The following CDH2 variants were observed in gnomAD, a reference collection of about 807,000 sequenced individuals.
The protein encoded by CDH2 is cadherin 2.
CDH2 carries 17 observed loss-of-function variants against 92.0 expected under a neutral mutation model. The ratio of observed to expected loss-of-function variants is 0.18; its 90% confidence interval spans 0.13 to 0.28. CDH2 has a LOEUF of 0.28. CDH2 is among the 10% of genes least tolerant of loss of function. The pLI is 1.00. For missense variants in CDH2, 862 were observed against 1,133.1 expected (o/e 0.76, Z 3.44); for synonymous variants, 419 against 415.9 (o/e 1.01, Z -0.09).
chr18:28,169,388 T>C (rs2016431625), intron 1 of CDH2, among the ~76,000 whole-genome samples: 1 of 152,186 alleles, frequency 6.6e-6, no homozygotes, highest in African/African-American at 2.4e-5. Flanking sequence ...AAACTCAAAG[T>C]GTATTTTAGT....
chr18:28,084,085 A>G (rs756216676), intron 2 of CDH2, among the ~76,000 whole-genome samples: 1 of 152,184 alleles, frequency 6.6e-6, no homozygotes, highest in Non-Finnish European at 1.5e-5. Flanking sequence ...CAAATGAACA[A>G]ACAACAACAA....
At chr18:28,092,402 CAAAT>C (rs1274543506) in intron 2 of CDH2, among the ~76,000 whole-genome samples, 1 of 151,888 alleles carries the variant, frequency 6.6e-6, no homozygotes, top group Non-Finnish European at 1.5e-5. Context: ...TGAAATGAAA[CAAAT>C]AAGTCAGAGG....
intron 2 of CDH2, among the ~76,000 whole-genome samples, chr18:28,082,806 G>A (rs2014856370): frequency 6.6e-6 from 1 of 152,116 alleles, no homozygotes; most frequent in Non-Finnish European, 1.5e-5. Context: ...AAAGGAAAAT[G>A]CTGTCAATAC....
chr18:28,002,914 T>G, intron 7 of CDH2, 83 bp downstream of exon 7: 1 of 1,147,638 alleles, frequency 8.7e-7, no homozygotes, highest in Non-Finnish European at 1.3e-6. Flanking sequence ...TATATTGTGA[T>G]GTGGAGATAA....
chr18:28,130,124 C>T (rs529375948), intron 2 of CDH2, among the ~76,000 whole-genome samples: 1 of 152,292 alleles, frequency 6.6e-6, no homozygotes, highest in Non-Finnish European at 1.5e-5. Flanking sequence ...AAAACATTTT[C>T]ATGTCTAGGA....
chr18:27,941,834 C>A (rs1909146866), intron 6 of CDH2, among the ~76,000 whole-genome samples: 1 of 152,132 alleles, frequency 6.6e-6, no homozygotes, highest in Non-Finnish European at 1.5e-5. Flanking sequence ...TCTATCACTT[C>A]CAGGCAATTT....
chr18:28,155,137 T>C (rs994659206), intron 1 of CDH2, among the ~76,000 whole-genome samples: 1 of 152,106 alleles, frequency 6.6e-6, no homozygotes, highest in African/African-American at 2.4e-5. Context: ...ATAAGGGCAA[T>C]AATGGGTAGG....
chr18:28,109,568 C>T (rs1225686787), intron 2 of CDH2, among the ~76,000 whole-genome samples: 1 of 152,152 alleles, frequency 6.6e-6, no homozygotes, highest in East Asian at 1.9e-4. Context: ...AGGGAATAAC[C>T]ATACAAATAA....
At chr18:28,122,960 G>C (rs1192314047) in intron 2 of CDH2, among the ~76,000 whole-genome samples, 1 of 152,002 alleles carries the variant, frequency 6.6e-6, no homozygotes, top group Non-Finnish European at 1.5e-5. Flanking sequence ...ACAATCTCGA[G>C]ACAATTTTAG....
chr18:28,044,957 C>G lies in CDH2; in HGVS notation c.173-31048G>C, dbSNP rs1051941279. ...TCATTATGACTTAAATTCATTATCTCTATCCCAGAACTTTCTTGCTATTCA... is the reference window on the plus strand; with the variant it reads ...TCATTATGACTTAAATTCATTATCTGTATCCCAGAACTTTCTTGCTATTCA... On this transcript the variant is annotated intron_variant, in intron 2 of 15. Coordinates refer to ENST00000269141, the MANE Select transcript of CDH2 (RefSeq NM_001792.5). Among the ~76,000 whole-genome samples, 3 of 151,894 alleles carry G rather than the reference C, an allele frequency of 2.0e-5. No individual in the cohort carries two copies. The East Asian group carries it at 5.8e-4, about 29-fold the overall frequency.
intron 7 of CDH2, among the ~76,000 whole-genome samples, chr18:27,998,023 G>A (rs1341996995): frequency 6.6e-6 from 1 of 152,002 alleles, no homozygotes; most frequent in Non-Finnish European, 1.5e-5. Flanking sequence ...AGCCAGGATG[G>A]TCTCCATCTC....
chr18:28,162,343 G>C (rs1455659554), intron 1 of CDH2, among the ~76,000 whole-genome samples: 1 of 152,120 alleles, frequency 6.6e-6, no homozygotes, highest in South Asian at 2.1e-4. Context: ...CAAATGCTTG[G>C]AACAGAAAGC....
At chr18:27,937,976 T>G (rs1051212675) in intron 6 of CDH2, among the ~76,000 whole-genome samples, 1 of 152,164 alleles carries the variant, frequency 6.6e-6, no homozygotes, top group Admixed American at 6.5e-5. Flanking sequence ...TAATTTCCAA[T>G]GCTGCAGGTG....
intron 2 of CDH2, among the ~76,000 whole-genome samples, chr18:28,044,402 G>C (rs2014028095): frequency 6.6e-6 from 1 of 152,154 alleles, no homozygotes; most frequent in South Asian, 2.1e-4. Flanking sequence ...GCTTAAACTG[G>C]GTTCTGTTAC....
intron 10 of CDH2, among the ~76,000 whole-genome samples, chr18:27,988,977 T>C (rs1276800562): frequency 1.3e-5 from 2 of 152,204 alleles, no homozygotes; most frequent in African/African-American, 4.8e-5. Context: ...CTTCAACAGA[T>C]ATCAATGGTT....
At chr18:28,106,180 C>A (rs545119592) in intron 2 of CDH2, among the ~76,000 whole-genome samples, 1 of 152,230 alleles carries the variant, frequency 6.6e-6, no homozygotes, top group South Asian at 2.1e-4. Context: ...ACTTGGGGAG[C>A]CCAAGGCTGG....
At chr18:28,070,338 C>G (rs937660439) in intron 2 of CDH2, among the ~76,000 whole-genome samples, 1 of 152,134 alleles carries the variant, frequency 6.6e-6, no homozygotes, top group Non-Finnish European at 1.5e-5. Flanking sequence ...CATATTACAA[C>G]CCTATGAGAT....
intron 2 of CDH2, among the ~76,000 whole-genome samples, chr18:28,107,472 A>G (rs1399170433): frequency 6.6e-6 from 1 of 152,154 alleles, no homozygotes; most frequent in Non-Finnish European, 1.5e-5. Context: ...ATGATGCAAA[A>G]CTAAATAATA....
intron 2 of CDH2, among the ~76,000 whole-genome samples, chr18:28,110,213 G>T (rs185229703): frequency 6.6e-6 from 1 of 152,334 alleles, no homozygotes; most frequent in Non-Finnish European, 1.5e-5. Flanking sequence ...TTATCCCGTA[G>T]TTAATTCTGC....
Sources: allele counts gnomAD v4.1 joint callset (sites outside exome capture counted in the v4.1 genomes callset), GRCh38; gene constraint gnomAD v4.1.1; transcripts MANE v1.5; gene names NCBI Gene and HGNC (gene_info 2026-07-23, HGNC 2026-07-21).